CIMIP6: variants seen among roughly 807,000 people sequenced by gnomAD.
CIMIP6 encodes the protein ciliary microtubule inner protein 6.
At chr2:54,346,124 G>C in the CIMIP6 span, among the ~76,000 whole-genome samples, 1 of 152,138 alleles carries the variant, frequency 6.6e-6, no homozygotes, top group African/African-American at 2.4e-5. Context: ...CAAAATGTAT[G>C]TAATTATGTA....
At chr2:54,345,611 G>C in the CIMIP6 span, among the ~76,000 whole-genome samples, 1 of 152,166 alleles carries the variant, frequency 6.6e-6, no homozygotes, top group African/African-American at 2.4e-5. Flanking sequence ...AGCAAGCATG[G>C]AGTTGAAATA....
chr2:54,342,858 A>G, the CIMIP6 span, among the ~76,000 whole-genome samples: 1 of 152,108 alleles, frequency 6.6e-6, no homozygotes, highest in Non-Finnish European at 1.5e-5. Context: ...CCTAGGTGTC[A>G]TAGGGTTTCT....
the CIMIP6 span, among the ~76,000 whole-genome samples, chr2:54,335,182 C>G: frequency 1.3e-5 from 2 of 152,168 alleles, no homozygotes; most frequent in Non-Finnish European, 2.9e-5. Context: ...ATTTTGCCAG[C>G]TGACTTTTAC....
the CIMIP6 span, among the ~76,000 whole-genome samples, chr2:54,362,300 T>A: frequency 6.6e-6 from 1 of 152,248 alleles, no homozygotes; most frequent in Non-Finnish European, 1.5e-5. Flanking sequence ...TACAAAAGAA[T>A]GACTATAATT....
chr2:54,345,270 G>C, the CIMIP6 span, among the ~76,000 whole-genome samples: 15 of 152,160 alleles, frequency 9.9e-5, no homozygotes, highest in African/African-American at 3.6e-4. Context: ...ATTGGACAAA[G>C]AGTAGTACAT....
the CIMIP6 span, among the ~76,000 whole-genome samples, chr2:54,374,166 T>C: frequency 6.6e-6 from 1 of 152,250 alleles, no homozygotes; most frequent in Non-Finnish European, 1.5e-5. Flanking sequence ...TTCTCTCTTC[T>C]ACTCCATACT....
chr2:54,331,611 G>A, the CIMIP6 span, among the ~76,000 whole-genome samples: 1 of 151,978 alleles, frequency 6.6e-6, no homozygotes, highest in African/African-American at 2.4e-5. Context: ...GCTATCATCT[G>A]CAGTGATAAA....
the CIMIP6 span, among the ~76,000 whole-genome samples, chr2:54,375,905 T>TGA: frequency 2.6e-5 from 4 of 151,956 alleles, no homozygotes; most frequent in Non-Finnish European, 5.9e-5. Flanking sequence ...TGTGTGTGTG[T>TGA]GACGTTTTGG....
At chr2:54,360,667 A>G in the CIMIP6 span, 1 of 1,130,484 alleles carries the variant, frequency 8.8e-7, no homozygotes, top group Admixed American at 3.4e-5. Flanking sequence ...ACTTCAGAAC[A>G]TACAATTTAT....
chr2:54,374,256 T>C, the CIMIP6 span, among the ~76,000 whole-genome samples: 4 of 152,232 alleles, frequency 2.6e-5, no homozygotes, highest in Non-Finnish European at 5.9e-5. Flanking sequence ...AATCCTAACA[T>C]GCTGAAAATG....
the CIMIP6 span, chr2:54,383,717 T>C: frequency 6.7e-6 from 1 of 149,230 alleles, no homozygotes; most frequent in African/African-American, 2.5e-5. Context: ...AAAAAAAAAC[T>C]ACATTGCCAT....
At chr2:54,369,981 G>A in the CIMIP6 span, among the ~76,000 whole-genome samples, 3 of 152,200 alleles carry the variant, frequency 2.0e-5, no homozygotes, top group Non-Finnish European at 2.9e-5. Context: ...AAGTCAGCCA[G>A]GTGTAGTGGC....
the CIMIP6 span, chr2:54,382,076 A>G: frequency 2.9e-6 from 4 of 1,385,594 alleles, no homozygotes; most frequent in Non-Finnish European, 2.8e-6. Flanking sequence ...AGAGAACTTA[A>G]TAAAGTCAGT....
the CIMIP6 span, chr2:54,334,718 G>C: frequency 1.2e-6 from 1 of 842,166 alleles, no homozygotes; most frequent in East Asian, 2.7e-5. Context: ...AAATTGTCTT[G>C]ACTGCTGTTT....
chr2:54,377,019 C>G, the CIMIP6 span, among the ~76,000 whole-genome samples: 1 of 152,132 alleles, frequency 6.6e-6, no homozygotes, highest in African/African-American at 2.4e-5. Context: ...CTTAGCAGTC[C>G]GTTTTCCTGA....
chr2:54,377,908 C>T, the CIMIP6 span, among the ~76,000 whole-genome samples: 15 of 152,086 alleles, frequency 9.9e-5, no homozygotes, highest in Non-Finnish European at 2.1e-4. Context: ...AAGCTGGTAG[C>T]GAATACACTT....
At chr2:54,360,554 T>C in the CIMIP6 span, 1 of 1,489,444 alleles carries the variant, frequency 6.7e-7, no homozygotes. Flanking sequence ...AATTAAAAAA[T>C]CAGAATAAAT....
chr2:54,358,914 A>G, the CIMIP6 span: 1 of 955,962 alleles, frequency 1.0e-6, no homozygotes. Context: ...ATGTCCATAA[A>G]CAAATCTAAT....
chr2:54,373,885 T>G, the CIMIP6 span, among the ~76,000 whole-genome samples: 1 of 152,248 alleles, frequency 6.6e-6, no homozygotes, highest in African/African-American at 2.4e-5. Flanking sequence ...ATCCTTGGTT[T>G]ATGAATTTCT....
Sources: gnomAD v4.1 joint callset for allele counts (sites outside exome capture counted in the v4.1 genomes callset) on GRCh38, gnomAD v4.1.1 for gene constraint, MANE v1.5 for transcripts, NCBI Gene and HGNC (gene_info 2026-07-23, HGNC 2026-07-21) for gene names.